FADS1: variants seen among roughly 807,000 people sequenced by gnomAD.
FADS1 encodes the protein acyl-CoA (8-3)-desaturase.
In FADS1, 17 loss-of-function variants were observed where a neutral mutation model predicts 61.6. That is an observed-to-expected ratio of 0.28 (90% confidence interval 0.19 to 0.41). FADS1 has a LOEUF of 0.41. FADS1 is among the 10% of genes least tolerant of loss of function. The pLI, the probability that FADS1 is intolerant of heterozygous loss-of-function variation, is 1.00. For missense variants in FADS1, 387 were observed against 650.9 expected (o/e 0.59, Z 4.41); for synonymous variants, 238 against 258.7 (o/e 0.92, Z 0.77).
chr11:61,810,087 G>A (rs944054338), intron 5 of FADS1, among the ~76,000 whole-genome samples: 8 of 152,234 alleles, frequency 5.3e-5, no homozygotes, highest in Non-Finnish European at 1.2e-4. Flanking sequence ...AAAGAATTCT[G>A]CTGGCCTTTT....
intron 5 of FADS1, among the ~76,000 whole-genome samples, chr11:61,810,144 A>AC (rs1201796374): frequency 2.6e-5 from 4 of 151,970 alleles, no homozygotes; most frequent in Non-Finnish European, 4.4e-5. Context: ...CCAGATCTCC[A>AC]CCCCCAGGCA....
intron 1 of FADS1, among the ~76,000 whole-genome samples, chr11:61,813,916 C>G: frequency 6.7e-6 from 1 of 149,316 alleles, no homozygotes; most frequent in Admixed American, 6.7e-5. Context: ...CTGCAGTGAG[C>G]CGAGATCGCG....
chr11:61,816,163 T>C lies in FADS1; in HGVS notation c.375+392A>G. The C allele has an allele frequency of 1.7e-6, 2 of 1,145,560 alleles. No homozygotes were observed. The highest frequency in any genetic ancestry group is 2.5e-6 in the Non-Finnish European group (2 of 814,860). 71.0% of individuals were successfully genotyped at this position (1,145,560 alleles called of 1,614,324 possible). On this transcript the variant is annotated intron_variant, in intron 1 of 11. Transcript: ENST00000350997. The surrounding 1 kb of genome is among the most constrained non-coding windows in gnomAD (Gnocchi z 7.0). ...GCCATCGAGACAGGATGTGACTCCCTCCCCTGGCCACTGACCCCCTCCCTC... is the reference window on the plus strand; with the variant it reads ...GCCATCGAGACAGGATGTGACTCCCCCCCCTGGCCACTGACCCCCTCCCTC...
Position 61,802,683 on chromosome 11 carries a change from A to ACT in FADS1, c.1454+116_1454+117dup, listed in dbSNP as rs2066864476. 2.7e-6 allele frequency: 4 copies of ACT among 1,458,576 alleles called. No homozygotes were observed. Among genetic ancestry groups the ACT allele is most frequent in the African/African-American group, 1.4e-5 (1 of 71,968 alleles). The allele number at this position is 1,458,576 out of a possible 1,614,324, so 90.4% of individuals were successfully genotyped here. A position where few individuals can be genotyped will look rare whatever the true frequency, so the allele number is the denominator to read the frequency against. On this transcript the variant is annotated intron_variant, in intron 11 of 11. Transcript: ENST00000350997. The surrounding 1 kb of genome is among the most constrained non-coding windows in gnomAD (Gnocchi z 4.2). Reference sequence around the variant, plus strand: ...AAGAATCCTGCCTTTGCCATGGTGAACTCCATCCCACACGACTGGGAACAC... The same window carrying ACT: ...AAGAATCCTGCCTTTGCCATGGTGAACTCTCCATCCCACACGACTGGGAACAC...
At position 61,803,813 on chromosome 11, in the gene FADS1, C is replaced by T. The variant is rs2066874920; in HGVS notation, c.1054-46G>A. On this transcript the variant is annotated intron_variant, in intron 7 of 11. Transcript: ENST00000350997. This position sits in a 1 kb window ranked among gnomAD's most constrained non-coding sequence, Gnocchi z 4.3. ...AGCATAACAGTCACGAACAACTCTT[C>T]CTCTTCCTCTCAGCAGCTCTTTGTT... 5.1e-6 allele frequency: 7 copies of T among 1,384,262 alleles called. No individual in the cohort carries two copies. The highest frequency in any genetic ancestry group is 7.2e-6 in the Non-Finnish European group (7 of 971,292). 85.7% of individuals were successfully genotyped at this position (1,384,262 alleles called of 1,614,324 possible). A position where few individuals can be genotyped will look rare whatever the true frequency, so the allele number is the denominator to read the frequency against.
chr11:61,812,546 G>A lies in FADS1; in HGVS notation c.609C>T (p.Ala203=), dbSNP rs1200498398. The A allele has an allele frequency of 2.7e-5, 44 of 1,614,038 alleles. No individual in the cohort carries two copies. Among genetic ancestry groups the A allele is most frequent in the Non-Finnish European group, 3.7e-5 (44 of 1,180,034 alleles). The change falls in exon 3 of 12, where the codon GCC becomes GCT. Residue 203 remains alanine, a synonymous_variant. Coordinates refer to ENST00000350997, the MANE Select transcript of FADS1 (RefSeq NM_013402.7). The part of the protein sequence containing the change: ...LLHILLLDGA[A]WLTLWVFGTS... ...TCCCAAAGACCCAAAGGGTGAGCCA[G>A]GCTGCACCATCCAGCAGCAAGATGT...
chr11:61,804,634 C>A, intron 7 of FADS1, 51 bp downstream of exon 7: 1 of 1,526,200 alleles, frequency 6.6e-7, no homozygotes, highest in South Asian at 1.1e-5. Flanking sequence ...CTATCCCCCA[C>A]TCTGGGTGCT....
rs1168041631 is a variant in FADS1 at position 61,816,139 on chromosome 11, C to A, written c.375+416G>T. The A allele has an allele frequency of 4.6e-6, 4 of 875,192 alleles. No homozygotes were observed. The highest frequency in any genetic ancestry group is 6.8e-6 in the Non-Finnish European group (4 of 584,140). The allele number at this position is 875,192 out of a possible 1,614,324, so 54.2% of individuals were successfully genotyped here. A position where few individuals can be genotyped will look rare whatever the true frequency, so the allele number is the denominator to read the frequency against. On this transcript the variant is annotated intron_variant, in intron 1 of 11. Transcript: ENST00000350997. This position sits in a 1 kb window ranked among gnomAD's most constrained non-coding sequence, Gnocchi z 7.0. ...GACGCGGCTGCGCTGCCTCTCCTAG[C>A]CATCGAGACAGGATGTGACTCCCTC...
Position 61,815,884 on chromosome 11 carries a change from G to C in FADS1, c.375+671C>G. 4.5e-6 allele frequency: 1 copy of C among 223,224 alleles called. No homozygotes were observed. The highest frequency in any genetic ancestry group is 8.9e-6 in the Non-Finnish European group (1 of 111,814). The allele number at this position is 223,224 out of a possible 1,614,324, so 13.8% of individuals were successfully genotyped here. A position where few individuals can be genotyped will look rare whatever the true frequency, so the allele number is the denominator to read the frequency against. On this transcript the variant is annotated intron_variant, in intron 1 of 11. Transcript: ENST00000350997. This position sits in a 1 kb window ranked among gnomAD's most constrained non-coding sequence, Gnocchi z 6.4. ...CCCCGGCGATTCGAGAACAGCTCTG[G>C]GGGTCCTCGCTAAGTGTATGCCATT... is the stretch of plus-strand genomic sequence containing the variant.
intron 6 of FADS1, chr11:61,805,519 C>T (rs1235737472): frequency 6.6e-6 from 1 of 152,254 alleles, no homozygotes; most frequent in Non-Finnish European, 1.5e-5. Flanking sequence ...CATGGCTCCT[C>T]CATCTTGATG....
chr11:61,811,826 G>A, intron 3 of FADS1: 1 of 443,656 alleles, frequency 2.3e-6, no homozygotes, highest in South Asian at 1.6e-5. Flanking sequence ...CACCTCAAAT[G>A]ATCTGCCCAT....
chr11:61,802,308 C>T lies in FADS1; in HGVS notation c.*103G>A. On this transcript the variant is annotated 3_prime_UTR_variant, in exon 12 of 12. Transcript: ENST00000350997. This position sits in a 1 kb window ranked among gnomAD's most constrained non-coding sequence, Gnocchi z 4.2. ...AGGCTTTATGTCCCCAAACCCAACC[C>T]CCTCTGAGTATTAAACTATAGTGGC... 9.6e-7 allele frequency: 1 copy of T among 1,042,416 alleles called. No homozygotes were observed. Among genetic ancestry groups the T allele is most frequent in the South Asian group, 1.4e-5 (1 of 73,618 alleles). The allele number at this position is 1,042,416 out of a possible 1,614,324, so 64.6% of individuals were successfully genotyped here.
chr11:61,809,341 T>G (rs1267525528), intron 5 of FADS1, among the ~76,000 whole-genome samples: 2 of 152,208 alleles, frequency 1.3e-5, no homozygotes, highest in Middle Eastern at 3.2e-3. Context: ...GTTTTAATCT[T>G]TTTAAAAAAT....
rs974497879 is a variant in FADS1 at position 61,815,668 on chromosome 11, G to A, written c.375+887C>T. 1 of 153,308 alleles carries A rather than the reference G, an allele frequency of 6.5e-6. No individual in the cohort carries two copies. Among genetic ancestry groups the A allele is most frequent in the Non-Finnish European group, 1.5e-5 (1 of 68,762 alleles). 9.5% of individuals were successfully genotyped at this position (153,308 alleles called of 1,614,324 possible). A position where few individuals can be genotyped will look rare whatever the true frequency, so the allele number is the denominator to read the frequency against. ...CTCCAACCCAGCAGAGAGGCGCCGG[G>A]GCCTTAGCTCTGAGGGCTGTGGTCT... On this transcript the variant is annotated intron_variant, in intron 1 of 11. Coordinates refer to ENST00000350997, the MANE Select transcript of FADS1 (RefSeq NM_013402.7). The surrounding 1 kb of genome is among the most constrained non-coding windows in gnomAD (Gnocchi z 6.4).
At chr11:61,808,286 A>C (rs2066907542) in intron 5 of FADS1, among the ~76,000 whole-genome samples, 1 of 151,776 alleles carries the variant, frequency 6.6e-6, no homozygotes, top group Non-Finnish European at 1.5e-5. Context: ...TAGTGAGCTG[A>C]GACCGCACCA....
At chr11:61,813,182 C>T (rs1194873188) in intron 2 of FADS1, 61 bp downstream of exon 2, 3 of 998,348 alleles carry the variant, frequency 3.0e-6, no homozygotes, top group Non-Finnish European at 3.2e-6. Flanking sequence ...ACTCTCCTTC[C>T]ACCCCCTCTC....
At chr11:61,814,179 A>ACCACGAGC (rs1216204017) in intron 1 of FADS1, 2 of 152,528 alleles carry the variant, frequency 1.3e-5, no homozygotes, top group Non-Finnish European at 2.9e-5. Context: ...CGTCAGCGAG[A>ACCACGAGC]CCACGAGCCC....
chr11:61,810,717 T>A, intron 5 of FADS1, 34 bp downstream of exon 5: 1 of 1,612,318 alleles, frequency 6.2e-7, no homozygotes, highest in Non-Finnish European at 8.5e-7. Flanking sequence ...TGCCTCCTAT[T>A]CCCCAAGACC....
chr11:61,816,357 TCCA>T lies in FADS1; in HGVS notation c.375+195_375+197del, dbSNP rs780446901. ...TGGCCTCCATCCCCACTCCCCAGAC[TCCA>T]CTTCTCCAGGCCTCTCTCCCGCCTT... is the stretch of plus-strand genomic sequence containing the variant. On this transcript the variant is annotated intron_variant, in intron 1 of 11. Transcript: ENST00000350997. The surrounding 1 kb of genome is among the most constrained non-coding windows in gnomAD (Gnocchi z 7.0). 1 of 1,598,328 alleles carries T rather than the reference TCCA, an allele frequency of 6.3e-7. No individual in the cohort carries two copies. The highest frequency in any genetic ancestry group is 1.3e-5 in the African/African-American group (1 of 75,012).
Sources: gnomAD v4.1 joint callset for allele counts (sites outside exome capture counted in the v4.1 genomes callset) on GRCh38, gnomAD v4.1.1 for gene constraint, Gnocchi (gnomAD v3.1) non-coding constraint, MANE v1.5 for transcripts, NCBI Gene and HGNC (gene_info 2026-07-23, HGNC 2026-07-21) for gene names.